BBS5: variants seen among roughly 807,000 people sequenced by gnomAD.
BBS5 encodes Bardet-Biedl syndrome 5.
Under a neutral mutation model 50.2 loss-of-function variants are expected in BBS5, and 39 were observed. The ratio of observed to expected loss-of-function variants is 0.78; its 90% CI spans 0.60 to 1.01. The LOEUF is 1.01. BBS5 is among the 50% of genes least tolerant of loss of function. The pLI is 0.00. For missense variants in BBS5, 356 were observed against 401.5 expected (o/e 0.89, Z 0.97); for synonymous variants, 134 against 133.1 (o/e 1.01, Z -0.05).
chr2:169,490,943 C>A (rs1472374509), intron 5 of BBS5, among the ~76,000 whole-genome samples: 1 of 152,158 alleles, frequency 6.6e-6, no homozygotes, highest in Non-Finnish European at 1.5e-5. Flanking sequence ...CTTTCACTTA[C>A]ACAGTGTGTT....
chr2:169,492,551 T>C (rs776984966), intron 5 of BBS5, among the ~76,000 whole-genome samples: 69 of 151,594 alleles, frequency 4.6e-4, no homozygotes, highest in Non-Finnish European at 4.9e-4. Context: ...AATGACAAAT[T>C]CTACAAAAAA....
intron 9 of BBS5, 42 bp from the exon 10 acceptor site, chr2:169,503,053 T>C: frequency 1.4e-6 from 2 of 1,434,320 alleles, no homozygotes; most frequent in Non-Finnish European, 2.0e-6. Context: ...ATGGTACATT[T>C]AATATTGTCT....
At position 169,499,493 on chromosome 2, in the gene BBS5, G is replaced by A. The variant is rs1683759336; in HGVS notation, c.689G>A (p.Gly230Glu). Residue 230 changes from glycine to glutamate, a missense_variant, in exon 9 of 12, where the codon GGA (glycine) becomes GAA (glutamate). By Grantham distance (98) the Gly-to-Glu change is moderately conservative. Coordinates refer to ENST00000295240, the MANE Select transcript of BBS5 (RefSeq NM_152384.3). ...TTATTTTTTCTCTTGTAGAGTGGTG[G>A]ATATGTTCTTGGCTTTAAAATAGAT... is the stretch of plus-strand genomic sequence containing the variant. Reference protein sequence around the residue: ...LVIESSQQSGGYVLGFKIDPV... With the variant: ...LVIESSQQSGEYVLGFKIDPV... 1.9e-6 allele frequency: 3 copies of A among 1,613,152 alleles called. No homozygotes were observed. The highest frequency in any genetic ancestry group is 1.1e-5 in the South Asian group (1 of 91,016).
At chr2:169,479,852 C>A (rs1338423546) in intron 1 of BBS5, among the ~76,000 whole-genome samples, 1 of 152,230 alleles carries the variant, frequency 6.6e-6, no homozygotes, top group Non-Finnish European at 1.5e-5. Context: ...CATGCGACCT[C>A]CGGTTCCCCC....
chr2:169,504,339 A>G lies in BBS5; in HGVS notation c.924+13A>G. 1 of 1,611,360 alleles carries G rather than the reference A, an allele frequency of 6.2e-7. No individual in the cohort carries two copies. Among genetic ancestry groups the G allele is most frequent in the Non-Finnish European group, 8.5e-7 (1 of 1,177,564 alleles). ...TGATGGCAATAAGGTAAGGACATTT[A>G]TTTTACCTACAGTATATGAAAAAAG... On this transcript the variant is annotated intron_variant, in intron 11 of 11. Transcript: ENST00000295240.
At chr2:169,498,806 CAA>C (rs368910049) in intron 8 of BBS5, among the ~76,000 whole-genome samples, 20 of 72,070 alleles carry the variant, frequency 2.8e-4, no homozygotes, top group Middle Eastern at 9.3e-3. Context: ...GACTCTGTCT[CAA>C]AAAAAAAAAA....
intron 5 of BBS5, among the ~76,000 whole-genome samples, chr2:169,490,768 C>T (rs1683582880): frequency 6.6e-6 from 1 of 152,160 alleles, no homozygotes; most frequent in South Asian, 2.1e-4. Context: ...AGAATATTTT[C>T]ATCACTCCCA....
At chr2:169,484,250 T>G (rs908956791) in intron 2 of BBS5, among the ~76,000 whole-genome samples, 5 of 152,042 alleles carry the variant, frequency 3.3e-5, no homozygotes, top group African/African-American at 7.2e-5. Flanking sequence ...ATGTGTGGTG[T>G]TGTGCGCCTG....
At chr2:169,483,555 T>G (rs565845916) in intron 2 of BBS5, among the ~76,000 whole-genome samples, 1 of 152,330 alleles carries the variant, frequency 6.6e-6, no homozygotes, top group East Asian at 1.9e-4. Flanking sequence ...CAGACCTTTG[T>G]ATTCATTTTA....
intron 5 of BBS5, among the ~76,000 whole-genome samples, chr2:169,490,463 AC>A (rs990786305): frequency 2.0e-5 from 3 of 151,898 alleles, no homozygotes; most frequent in African/African-American, 7.3e-5. Context: ...TGATCCGCCC[AC>A]CTTGGCCTTC....
intron 7 of BBS5, among the ~76,000 whole-genome samples, chr2:169,496,222 C>T (rs1683689564): frequency 6.6e-6 from 1 of 152,096 alleles, no homozygotes; most frequent in Admixed American, 6.5e-5. Context: ...TCTACAGGCC[C>T]TACCTGCCAT....
intron 6 of BBS5, 26 bp from the exon 7 acceptor site, chr2:169,493,715 C>T (rs762383561): frequency 1.4e-5 from 20 of 1,447,936 alleles, no homozygotes; most frequent in South Asian, 1.3e-4. Flanking sequence ...ATGATCATTT[C>T]GGTATCTCAT....
At chr2:169,500,015 C>A (rs954701286) in intron 9 of BBS5, among the ~76,000 whole-genome samples, 12 of 152,214 alleles carry the variant, frequency 7.9e-5, no homozygotes, top group African/African-American at 2.9e-4. Flanking sequence ...CACAATATAG[C>A]AACTCCAGGA....
At chr2:169,487,631 A>G (rs1683509180) in intron 3 of BBS5, 175 bp from the exon 4 acceptor site, 1 of 480,674 alleles carries the variant, frequency 2.1e-6, no homozygotes, top group South Asian at 4.1e-5. Context: ...TTGACCCTCT[A>G]GTTTTTTTAA....
intron 10 of BBS5, among the ~76,000 whole-genome samples, chr2:169,503,949 G>A (rs1196628089): frequency 1.3e-5 from 2 of 152,154 alleles, no homozygotes; most frequent in Admixed American, 6.5e-5. Context: ...CAAATGTAGG[G>A]AAGAAATTGT....
chr2:169,488,369 G>T (rs1225710756), intron 5 of BBS5, among the ~76,000 whole-genome samples: 9 of 152,210 alleles, frequency 5.9e-5, no homozygotes, highest in African/African-American at 2.2e-4. Flanking sequence ...CAACTATATG[G>T]TCCCATCTGG....
At chr2:169,479,679 C>A in intron 1 of BBS5, 67 bp downstream of exon 1, 2 of 1,568,630 alleles carry the variant, frequency 1.3e-6, no homozygotes, top group Non-Finnish European at 1.8e-6. Context: ...CGTTAGGGAC[C>A]CGCGGGCGGA....
Position 169,506,333 on chromosome 2 carries a change from G to A in BBS5, c.*1751G>A. ...CAGCTCATTGAGAGCGGGCGATGAT[G>A]ACAGTGGCGGCTTTGTGGAGTGGAG... On this transcript the variant is annotated 3_prime_UTR_variant, in exon 12 of 12. Coordinates refer to ENST00000295240, the MANE Select transcript of BBS5 (RefSeq NM_152384.3). 5.5e-6 allele frequency: 1 copy of A among 182,396 alleles called. No individual in the cohort carries two copies. The highest frequency in any genetic ancestry group is 1.1e-5 in the Non-Finnish European group (1 of 90,722). 11.3% of individuals were successfully genotyped at this position (182,396 alleles called of 1,614,324 possible).
At chr2:169,498,355 A>T (rs1683732477) in intron 8 of BBS5, among the ~76,000 whole-genome samples, 1 of 152,218 alleles carries the variant, frequency 6.6e-6, no homozygotes, top group Admixed American at 6.5e-5. Context: ...TATCATCTAC[A>T]TTCTAAATTT....
Sources: gnomAD v4.1 joint callset for allele counts (sites outside exome capture counted in the v4.1 genomes callset) on GRCh38, gnomAD v4.1.1 for gene constraint, MANE v1.5 for transcripts, NCBI Gene and HGNC (gene_info 2026-07-23, HGNC 2026-07-21) for gene names.